Variants in PDE2A observed in about 807,000 individuals in gnomAD.
The protein encoded by PDE2A is phosphodiesterase 2A, also known as cGMP-dependent 3',5'-cyclic phosphodiesterase.
In PDE2A, 53 loss-of-function variants were observed where a neutral mutation model predicts 133.6. That is an observed-to-expected ratio of 0.40 (90% CI 0.32 to 0.50). The LOEUF (loss-of-function observed/expected upper bound fraction) is 0.50. Ranked by LOEUF, PDE2A falls within the 20% of genes least tolerant of loss-of-function variation. The pLI, the probability that PDE2A is intolerant of heterozygous loss-of-function variation, is 0.73. For missense variants in PDE2A, 796 were observed against 1,232.4 expected, an observed-to-expected ratio of 0.65 and a Z score of 5.30; for synonymous variants, 491 against 490.2, an observed-to-expected ratio of 1.00 and a Z score of -0.02.
chr11:72,586,160 A>AGGG lies in PDE2A; in HGVS notation c.1091_1092insCCC (p.His364_Val365insPro). 1 of 1,611,024 alleles carries AGGG rather than the reference A, an allele frequency of 6.2e-7. No homozygotes were observed. The highest frequency in any genetic ancestry group is 1.1e-5 in the South Asian group (1 of 90,664). Reference sequence around the variant, plus strand: ...TGTAGTGGAAGCAGTGCTGGATCACATGCTCGTCCTCGTCGGTGAACCTGG... The same window carrying AGGG: ...TGTAGTGGAAGCAGTGCTGGATCACAGGGTGCTCGTCCTCGTCGGTGAACCTGG... On this transcript the variant is annotated inframe_insertion, in exon 14 of 31. Coordinates refer to ENST00000334456, the MANE Select transcript of PDE2A (RefSeq NM_002599.5).
At chr11:72,621,590 A>G (rs1185210300) in intron 2 of PDE2A, among the ~76,000 whole-genome samples, 1 of 152,138 alleles carries the variant, frequency 6.6e-6, no homozygotes, top group Non-Finnish European at 1.5e-5. Context: ...CCACACACAC[A>G]GTGATCTCTC....
chr11:72,655,863 G>C (rs1425782993), intron 1 of PDE2A, among the ~76,000 whole-genome samples: 1 of 152,224 alleles, frequency 6.6e-6, no homozygotes, highest in African/African-American at 2.4e-5. Flanking sequence ...AGGGAGTGCA[G>C]GCTATTCCCT....
At chr11:72,637,152 A>G (rs1366344380) in intron 2 of PDE2A, among the ~76,000 whole-genome samples, 1 of 137,202 alleles carries the variant, frequency 7.3e-6, no homozygotes, top group African/African-American at 3.7e-5. Flanking sequence ...TCCTCCTGGA[A>G]GCTCCCCAAC....
chr11:72,598,551 TG>T, intron 4 of PDE2A: 1 of 1,289,148 alleles, frequency 7.8e-7, no homozygotes, highest in East Asian at 5.5e-5. Context: ...TTAATTGTCC[TG>T]GGTTCTTCAT....
At chr11:72,665,655 G>C in intron 1 of PDE2A, among the ~76,000 whole-genome samples, 1 of 152,008 alleles carries the variant, frequency 6.6e-6, no homozygotes. Context: ...TCCTCACTAG[G>C]GTAGGTACCT....
At chr11:72,584,445 T>G in intron 18 of PDE2A, 106 bp downstream of exon 18, 2 of 1,376,798 alleles carry the variant, frequency 1.5e-6, no homozygotes, top group South Asian at 2.5e-5. Context: ...GACTCCCTTA[T>G]GCTCCGGGAC....
Position 72,586,103 on chromosome 11 carries a change from G to T in PDE2A, c.1149C>A (p.Phe383Leu), listed in dbSNP as rs1855960217. The T allele has an allele frequency of 6.2e-7, 1 of 1,612,484 alleles. No homozygotes were observed. The highest frequency in any genetic ancestry group is 1.6e-4 in the Middle Eastern group (1 of 6,062). ...TSTVLTSTLA[F>L]QKEQKLKCEC... is the part of the protein sequence containing the mutation. ...CACACTTGAGTTTCTGTTCCTTCTG[G>T]AAGGCCAGGGTGCTGGTGAGCACGG... The change falls in exon 14 of 31, where the codon TTC (phenylalanine) becomes TTA (leucine). Residue 383 changes from phenylalanine (F) to leucine (L), a missense_variant. By Grantham distance (22) the Phe-to-Leu change is conservative. Transcript: ENST00000334456.
At chr11:72,582,065 C>T in intron 21 of PDE2A, 118 bp from the exon 22 acceptor site, 1 of 791,472 alleles carries the variant, frequency 1.3e-6, no homozygotes, top group Non-Finnish European at 2.2e-6. Context: ...TACATCTAAA[C>T]TAGAGAACCA....
chr11:72,629,220 G>A (rs141497971), intron 2 of PDE2A, among the ~76,000 whole-genome samples: 55 of 152,278 alleles, frequency 3.6e-4, no homozygotes, highest in Non-Finnish European at 6.2e-4. Context: ...GGACGAGGCC[G>A]GTGGAGCTGG....
intron 18 of PDE2A, 62 bp from the exon 19 acceptor site, chr11:72,584,375 T>C (rs1565150233): frequency 7.7e-7 from 1 of 1,305,290 alleles, no homozygotes; most frequent in East Asian, 2.4e-5. Context: ...GAGGGAGGGA[T>C]CCGGCCGGGA....
chr11:72,655,142 G>A lies in PDE2A; in HGVS notation c.72-12816C>T, dbSNP rs531786594. 2.6e-5 allele frequency among the ~76,000 whole-genome samples: 4 copies of A among 152,274 alleles called. No homozygotes were observed. The South Asian group carries it at 6.2e-4, about 24-fold the overall frequency. ...AGGCGGGCAGCTGCACACCAGCCTC[G>A]CCCCACACACACCCTGTACGCACTC... On this transcript the variant is annotated intron_variant, in intron 1 of 30. Transcript: ENST00000334456.
chr11:72,594,189 G>A (rs184298221), intron 6 of PDE2A, among the ~76,000 whole-genome samples: 6 of 152,358 alleles, frequency 3.9e-5, no homozygotes, highest in Admixed American at 1.3e-4. Context: ...TGATGGATGA[G>A]GGGGTGGATG....
Position 72,597,650 on chromosome 11 carries a change from G to T in PDE2A, c.324-31C>A, listed in dbSNP as rs752328681. 5.5e-6 allele frequency: 8 copies of T among 1,451,058 alleles called. No homozygotes were observed. In the East Asian group the frequency reaches 1.8e-4, roughly 33 times the overall value. 89.9% of individuals were successfully genotyped at this position (1,451,058 alleles called of 1,614,324 possible). On this transcript the variant is annotated intron_variant, in intron 4 of 30. Transcript: ENST00000334456. This position sits in a 1 kb window ranked among gnomAD's most constrained non-coding sequence, Gnocchi z 4.6. ...AAGAGGACATGATGCCACCTTGAGA[G>T]CCCCCGACTCAGGGAGGAACGAGGC... is the stretch of plus-strand genomic sequence containing the variant.
intron 1 of PDE2A, among the ~76,000 whole-genome samples, chr11:72,664,077 C>T (rs1193723720): frequency 6.6e-6 from 1 of 152,148 alleles, no homozygotes; most frequent in African/African-American, 2.4e-5. Context: ...GGTATTCACC[C>T]CCTCACCCAC....
intron 1 of PDE2A, among the ~76,000 whole-genome samples, chr11:72,657,180 CACCTTCCCTG>C (rs1173812858): frequency 6.6e-6 from 1 of 152,170 alleles, no homozygotes; most frequent in African/African-American, 2.4e-5. Context: ...GGTCCCCACA[CACCTTCCCTG>C]AGGCCTAGAC....
chr11:72,607,787 G>A (rs11235547), intron 3 of PDE2A, among the ~76,000 whole-genome samples: 19,986 of 152,146 alleles, frequency 0.13, 1,444 homozygotes, highest in East Asian at 0.21. Context: ...GCCCTTGGCC[G>A]GGTTTAGAGT....
chr11:72,603,324 AG>A (rs1856838036), intron 4 of PDE2A, among the ~76,000 whole-genome samples: 2 of 151,992 alleles, frequency 1.3e-5, no homozygotes, highest in African/African-American at 4.8e-5. Flanking sequence ...GGCCTTACTG[AG>A]TCTGAAGTGG....
intron 4 of PDE2A, among the ~76,000 whole-genome samples, chr11:72,604,298 G>A (rs995095368): frequency 1.3e-5 from 2 of 152,210 alleles, no homozygotes; most frequent in Non-Finnish European, 2.9e-5. Context: ...CAGAAGACCC[G>A]AGTCCTAGGC....
At chr11:72,606,339 C>G (rs1856971867) in intron 3 of PDE2A, among the ~76,000 whole-genome samples, 2 of 152,136 alleles carry the variant, frequency 1.3e-5, no homozygotes, top group South Asian at 4.1e-4. Context: ...GACAGTGGAG[C>G]TACGTGTTGA....
Sources: gnomAD v4.1 joint callset for allele counts (sites outside exome capture counted in the v4.1 genomes callset) on GRCh38, gnomAD v4.1.1 for gene constraint, Gnocchi (gnomAD v3.1) non-coding constraint, MANE v1.5 for transcripts, NCBI Gene and HGNC (gene_info 2026-07-23, HGNC 2026-07-21) for gene names.